Variants in HDAC4 observed in about 807,000 individuals in gnomAD.
The protein encoded by HDAC4 is histone deacetylase 4, also known as histone deacetylase A.
Under a neutral mutation model 135.1 loss-of-function variants are expected in HDAC4, and 16 were observed. The observed-to-expected ratio is 0.12, with a 90% confidence interval of 0.08 to 0.18. HDAC4 has a LOEUF of 0.18. Ranked by LOEUF, HDAC4 falls within the 10% of genes least tolerant of loss-of-function variation. The probability of loss-of-function intolerance (pLI) is 1.00; values close to 1 mark genes in which losing one functional copy is unlikely to be tolerated. For synonymous variants in HDAC4, 685 were observed against 653.4 expected (o/e 1.05, Z -0.74); for missense variants, 1,143 against 1,511.8 (o/e 0.76, Z 4.05).
intron 2 of HDAC4, among the ~76,000 whole-genome samples, chr2:239,319,228 G>GA (rs1457729045): frequency 2.0e-5 from 3 of 152,170 alleles, no homozygotes; most frequent in Non-Finnish European, 4.4e-5. Flanking sequence ...CCACATATAG[G>GA]AAACTTTAAG....
intron 5 of HDAC4, among the ~76,000 whole-genome samples, chr2:239,169,443 A>G (rs1326142956): frequency 6.6e-6 from 1 of 152,198 alleles, no homozygotes; most frequent in African/African-American, 2.4e-5. Flanking sequence ...ACCGCGTGCT[A>G]TTGTCTACGG....
chr2:239,212,521 G>A (rs1430050489), intron 3 of HDAC4, among the ~76,000 whole-genome samples: 1 of 152,248 alleles, frequency 6.6e-6, no homozygotes, highest in Non-Finnish European at 1.5e-5. Flanking sequence ...AGGCTGGTCT[G>A]AAGGCCAGAA....
Position 239,134,257 on chromosome 2 carries a change from G to C in HDAC4, c.1282C>G (p.Pro428Ala). 6.2e-7 allele frequency: 1 copy of C among 1,611,522 alleles called. No individual in the cohort carries two copies. Among genetic ancestry groups the C allele is most frequent in the Middle Eastern group, 1.7e-4 (1 of 5,716 alleles). The change falls in exon 11 of 27, where the codon CCC becomes GCC. Residue 428 changes from proline to alanine, a missense_variant. By Grantham distance (27) the Pro-to-Ala change is conservative (BLOSUM62 -1). Coordinates refer to ENST00000543185, the MANE Select transcript of HDAC4 (RefSeq NM_001378414.1). The part of the protein sequence containing the change: ...VLLEQPPAQA[P>A]LVTDWYLSGL... ...CATTTGTGCTCACCTGTGACGAGGG[G>C]TGCTTGTGCCGGCGGCTGCTCCAGT... is the stretch of plus-strand genomic sequence containing the variant.
Position 239,285,975 on chromosome 2 carries a change from C to A in HDAC4, c.23-49311G>T, listed in dbSNP as rs1269561374. Among the ~76,000 whole-genome samples, 1 of 152,008 alleles carries A rather than the reference C, an allele frequency of 6.6e-6. No individual in the cohort carries two copies. ...GACCAGCGAGACATACGCTCCCAAG[C>A]AAACACAAGCCAACACAGAAAGAAG... On this transcript the variant is annotated intron_variant, in intron 2 of 26. Transcript: ENST00000543185. This position sits in a 1 kb window ranked among gnomAD's most constrained non-coding sequence, Gnocchi z 4.5.
chr2:239,265,773 C>G (rs1432467545), intron 2 of HDAC4, among the ~76,000 whole-genome samples: 1 of 152,230 alleles, frequency 6.6e-6, no homozygotes, highest in Non-Finnish European at 1.5e-5. Context: ...CACCAGGCTT[C>G]TTGGAACTTC....
chr2:239,223,750 TC>T (rs1266888284), intron 3 of HDAC4, among the ~76,000 whole-genome samples: 1 of 151,824 alleles, frequency 6.6e-6, no homozygotes, highest in African/African-American at 2.4e-5. Flanking sequence ...GCTCACACTC[TC>T]TGCCCAGCAA....
chr2:239,233,238 G>A (rs1043773595), intron 3 of HDAC4, among the ~76,000 whole-genome samples: 1 of 152,080 alleles, frequency 6.6e-6, no homozygotes, highest in Non-Finnish European at 1.5e-5. Context: ...GGAAGTTGAA[G>A]AAATCAAAGT....
intron 22 of HDAC4, among the ~76,000 whole-genome samples, chr2:239,076,656 G>A (rs1462914436): frequency 1.3e-5 from 2 of 152,196 alleles, no homozygotes; most frequent in Non-Finnish European, 2.9e-5. Flanking sequence ...GGCACGCCAT[G>A]CTTGAGTTTC....
chr2:239,177,745 T>C (rs1265121822), intron 4 of HDAC4, among the ~76,000 whole-genome samples: 1 of 152,220 alleles, frequency 6.6e-6, no homozygotes, highest in Non-Finnish European at 1.5e-5. Flanking sequence ...TATCCATTAA[T>C]GAGAACATGA....
chr2:239,111,661 C>G lies in HDAC4; in HGVS notation c.1843G>C (p.Ala615Pro), dbSNP rs1173141130. ...QRIHQLRNYQ[A>P]SMEAAGIPVS... ...GGGATGCCGGCGGCCTCCATGGACG[C>G]CTGGTAGTTCCTCAGCTGGTGGATC... The change falls in exon 14 of 27, where the codon GCG becomes CCG. Residue 615 changes from alanine (A) to proline (P), a missense_variant. Ala to Pro is a conservative substitution (Grantham distance 27). Around this residue, in one of 9 missense-constraint regions of HDAC4, gnomAD observed 196 missense variants for 210.7 expected, o/e 0.93. Coordinates refer to ENST00000543185, the MANE Select transcript of HDAC4 (RefSeq NM_001378414.1). The G allele has an allele frequency of 6.2e-7, 1 of 1,605,166 alleles. No individual in the cohort carries two copies. The highest frequency in any genetic ancestry group is 8.5e-7 in the Non-Finnish European group (1 of 1,176,678).
chr2:239,101,148 A>G (rs2037581778), intron 16 of HDAC4, among the ~76,000 whole-genome samples: 1 of 151,892 alleles, frequency 6.6e-6, no homozygotes, highest in Non-Finnish European at 1.5e-5. Context: ...CCTGCTTCCT[A>G]CTGCTGTTCA....
chr2:239,329,833 C>A (rs757900456), intron 2 of HDAC4, among the ~76,000 whole-genome samples: 2 of 152,032 alleles, frequency 1.3e-5, no homozygotes, highest in Non-Finnish European at 2.9e-5. Context: ...CACGACAACC[C>A]TATAAGGTGA....
rs150267499 is a variant in HDAC4 at position 239,303,779 on chromosome 2, C to G, written c.22+48899G>C. Among the ~76,000 whole-genome samples the G allele has an allele frequency of 6.6e-3, 999 of 152,320 alleles. 3 individuals carry two copies. The highest frequency in any genetic ancestry group is 1.0e-2 in the Non-Finnish European group (680 of 68,028). ...TCAAAAGCGACTGCGACAGCTGCAT[C>G]CCCCGTGCTCAACTGCAGGGCGCGG... is the stretch of plus-strand genomic sequence containing the variant. On this transcript the variant is annotated intron_variant, in intron 2 of 26. Transcript: ENST00000543185. This position sits in a 1 kb window ranked among gnomAD's most constrained non-coding sequence, Gnocchi z 5.1.
chr2:239,208,658 C>T (rs531493660), intron 3 of HDAC4, among the ~76,000 whole-genome samples: 1 of 152,070 alleles, frequency 6.6e-6, no homozygotes, highest in South Asian at 2.1e-4. Flanking sequence ...TCCTCCCACC[C>T]CCACCACCTG....
intron 2 of HDAC4, among the ~76,000 whole-genome samples, chr2:239,281,113 C>T (rs2125364527): frequency 7.6e-6 from 1 of 132,162 alleles, no homozygotes; most frequent in Non-Finnish European, 1.7e-5. Flanking sequence ...ACACAATGTA[C>T]ACACCACTCT....
At chr2:239,073,499 C>T (rs2034412676) in intron 22 of HDAC4, among the ~76,000 whole-genome samples, 3 of 152,354 alleles carry the variant, frequency 2.0e-5, no homozygotes, top group East Asian at 1.9e-4. Flanking sequence ...GGCGTGCGAG[C>T]GTCCCTGTGC....
intron 3 of HDAC4, among the ~76,000 whole-genome samples, chr2:239,220,611 C>T (rs1219776252): frequency 6.6e-6 from 1 of 152,184 alleles, no homozygotes; most frequent in African/African-American, 2.4e-5. Context: ...TGAAAATCTT[C>T]AACGACACAC....
intron 3 of HDAC4, among the ~76,000 whole-genome samples, chr2:239,228,618 T>A (rs1170774891): frequency 3.3e-5 from 5 of 151,838 alleles, no homozygotes; most frequent in Non-Finnish European, 4.4e-5. Context: ...AACAGAACGA[T>A]CTGAAGGTTT....
chr2:239,071,738 ATTTCC>A (rs2034218611), intron 22 of HDAC4, among the ~76,000 whole-genome samples: 3 of 152,024 alleles, frequency 2.0e-5, no homozygotes, highest in Non-Finnish European at 2.9e-5. Flanking sequence ...CCTGTTGAAC[ATTTCC>A]ACCGAAAGCT....
Sources: allele counts gnomAD v4.1 joint callset (sites outside exome capture counted in the v4.1 genomes callset), GRCh38; gene constraint gnomAD v4.1.1; regional missense constraint gnomAD v4.1.1; non-coding constraint Gnocchi (gnomAD v3.1); transcripts MANE v1.5; gene names NCBI Gene and HGNC (gene_info 2026-07-23, HGNC 2026-07-21).